HADHB: variants seen among roughly 807,000 people sequenced by gnomAD.
HADHB encodes hydroxyacyl-CoA dehydrogenase trifunctional multienzyme complex subunit beta.
Under a neutral mutation model 61.9 loss-of-function variants are expected in HADHB, and 50 were observed. The ratio of observed to expected loss-of-function variants is 0.81; its 90% CI spans 0.64 to 1.02. The LOEUF (loss-of-function observed/expected upper bound fraction) is 1.02, where lower values mean the gene tolerates loss of function less well. Ranked by LOEUF, HADHB falls within the 50% of genes least tolerant of loss-of-function variation. The pLI, the probability that HADHB is intolerant of heterozygous loss-of-function variation, is 0.00. For missense variants in HADHB, 504 were observed against 586.5 expected, an observed-to-expected ratio of 0.86 and a Z score of 1.45; for synonymous variants, 191 against 201.6, an observed-to-expected ratio of 0.95 and a Z score of 0.45.
intron 3 of HADHB, chr2:26,260,720 G>T (rs545193251): frequency 2.6e-6 from 1 of 387,488 alleles, no homozygotes; most frequent in Non-Finnish European, 4.7e-6. Context: ...GAGAAGGTTT[G>T]TGTGTACTAC....
At chr2:26,267,486 C>T (rs556434940) in intron 4 of HADHB, among the ~76,000 whole-genome samples, 5 of 152,136 alleles carry the variant, frequency 3.3e-5, no homozygotes, top group Admixed American at 1.3e-4. Context: ...CAAATGCCTA[C>T]GAGTCTAATC....
In HADHB at chr2:26,282,940, A is replaced by G. The variant is rs1363651182; in HGVS notation, c.1013+16A>G. ...CATATTTGAGGTAAAGTAAATGTTCAAACAAATCATCTCTGATTTCTTTAT... is the reference window on the plus strand; with the variant it reads ...CATATTTGAGGTAAAGTAAATGTTCGAACAAATCATCTCTGATTTCTTTAT... On this transcript the variant is annotated intron_variant, in intron 11 of 15. Transcript: ENST00000317799. 1 of 1,607,226 alleles carries G rather than the reference A, an allele frequency of 6.2e-7. No homozygotes were observed. The highest frequency in any genetic ancestry group is 1.1e-5 in the South Asian group (1 of 90,938).
At position 26,281,036 on chromosome 2, in the gene HADHB, C is replaced by G. The variant is rs539786782; in HGVS notation, c.933+921C>G. ...CAGAAAGAGTAACAGGATACCTCTT[C>G]CAGCCCTGATTGTTAGAAAACTGCT... is the stretch of plus-strand genomic sequence containing the variant. On this transcript the variant is annotated intron_variant, in intron 10 of 15. Transcript: ENST00000317799. Among the ~76,000 whole-genome samples the G allele has an allele frequency of 3.9e-5, 6 of 152,086 alleles. No homozygotes were observed. In the South Asian group the frequency reaches 1.2e-3, roughly 32 times the overall value.
At chr2:26,255,988 C>G (rs1454863197) in intron 3 of HADHB, among the ~76,000 whole-genome samples, 1 of 152,208 alleles carries the variant, frequency 6.6e-6, no homozygotes, top group Non-Finnish European at 1.5e-5. Context: ...TTCTGAATAC[C>G]AGCAGAGGAA....
In HADHB at chr2:26,253,338, A is replaced by G. The variant is rs561308551; in HGVS notation, c.-8-909A>G. Reference sequence around the variant, plus strand: ...AGTACTACAAACTTTTTTTAGTAGCAGTTGAGATTAAGTTGCTGACATGAT... The same window carrying G: ...AGTACTACAAACTTTTTTTAGTAGCGGTTGAGATTAAGTTGCTGACATGAT... On this transcript the variant is annotated intron_variant, in intron 1 of 15. Coordinates refer to ENST00000317799, the MANE Select transcript of HADHB (RefSeq NM_000183.3). Among the ~76,000 whole-genome samples, 30 of 152,332 alleles carry G rather than the reference A, an allele frequency of 2.0e-4. 1 individual carries two copies. The South Asian group carries it at 5.8e-3, about 29-fold the overall frequency.
chr2:26,272,865 C>G (rs1012123612), intron 5 of HADHB, among the ~76,000 whole-genome samples: 6 of 151,976 alleles, frequency 3.9e-5, no homozygotes, highest in Admixed American at 3.9e-4. Context: ...TGGTGGATCA[C>G]TTGCAGTCAG....
At chr2:26,258,124 A>C (rs1054229763) in intron 3 of HADHB, among the ~76,000 whole-genome samples, 7 of 152,184 alleles carry the variant, frequency 4.6e-5, no homozygotes, top group Admixed American at 4.6e-4. Context: ...TAGGTCCCTT[A>C]ACTGAGCCTC....
At chr2:26,246,051 A>G (rs1671142462) in intron 1 of HADHB, among the ~76,000 whole-genome samples, 1 of 152,220 alleles carries the variant, frequency 6.6e-6, no homozygotes. Flanking sequence ...CTCAAGTTGC[A>G]TAGTGAGTGC....
At chr2:26,249,590 G>A (rs552807300) in intron 1 of HADHB, among the ~76,000 whole-genome samples, 1 of 152,024 alleles carries the variant, frequency 6.6e-6, no homozygotes, top group South Asian at 2.1e-4. Flanking sequence ...GTTTCAGATG[G>A]GATTCGGCCA....
At chr2:26,276,811 T>C (rs760475723) in intron 6 of HADHB, among the ~76,000 whole-genome samples, 1 of 152,180 alleles carries the variant, frequency 6.6e-6, no homozygotes, top group Non-Finnish European at 1.5e-5. Context: ...GATAAGAAAT[T>C]AGGTGAGTTA....
chr2:26,255,317 T>G (rs549450654), intron 3 of HADHB, among the ~76,000 whole-genome samples: 1 of 152,148 alleles, frequency 6.6e-6, no homozygotes, highest in East Asian at 1.9e-4. Flanking sequence ...TTGGTCAACA[T>G]GGCGAAACCC....
intron 4 of HADHB, among the ~76,000 whole-genome samples, chr2:26,267,119 A>C (rs114634725): frequency 0.015 from 2,324 of 152,236 alleles, 59 homozygotes; most frequent in African/African-American, 0.051. Flanking sequence ...CTTCTTATTT[A>C]ATCCAATGAT....
intron 5 of HADHB, 61 bp from the exon 6 acceptor site, chr2:26,273,590 A>G: frequency 1.1e-6 from 1 of 896,130 alleles, no homozygotes; most frequent in Admixed American, 1.7e-5. Flanking sequence ...GTTTTGTGTG[A>G]TGATCTCTGG....
rs1201534189 is a variant in HADHB, at chr2:26,277,154, A to G, written c.436A>G (p.Thr146Ala). The G allele has an allele frequency of 6.6e-7, 1 of 1,512,878 alleles. No homozygotes were observed. The highest frequency in any genetic ancestry group is 9.2e-7 in the Non-Finnish European group (1 of 1,087,666). 93.7% of individuals were successfully genotyped at this position (1,512,878 alleles called of 1,614,324 possible). ...TTGTATCTCTGCCAACCAAGCCATG[A>G]CCACAGGTATGTTTAAATGGAAACA... ...MACISANQAM[T>A]TGVGLIASGQ... is the part of the protein sequence containing the mutation. The change falls in exon 7 of 16, where the codon ACC becomes GCC. Residue 146 changes from threonine (T) to alanine (A), a missense_variant. Coordinates refer to ENST00000317799, the MANE Select transcript of HADHB (RefSeq NM_000183.3).
Position 26,258,412 on chromosome 2 carries a change from C to T in HADHB, c.109+3938C>T, listed in dbSNP as rs192405710. 7.0e-4 allele frequency among the ~76,000 whole-genome samples: 106 copies of T among 152,294 alleles called. No individual in the cohort carries two copies. The Middle Eastern group carries it at 0.01, about 15-fold the overall frequency. ...CATGGAAGAGAATCGTGGAACCCAG[C>T]GACTAGCGTTGAGCTCGATTAGGAC... On this transcript the variant is annotated intron_variant, in intron 3 of 15. Transcript: ENST00000317799.
At chr2:26,272,821 C>T (rs1208035846) in intron 5 of HADHB, among the ~76,000 whole-genome samples, 2 of 152,174 alleles carry the variant, frequency 1.3e-5, no homozygotes, top group East Asian at 1.9e-4. Context: ...TAGTGGCTTA[C>T]ACCTATAATC....
chr2:26,279,995 AAAAGATACAGTTACC>A lies in HADHB; in HGVS notation c.821_835del (p.Thr274_Asp278del). The A allele has an allele frequency of 6.2e-7, 1 of 1,607,256 alleles. No individual in the cohort carries two copies. The highest frequency in any genetic ancestry group is 1.1e-5 in the South Asian group (1 of 90,846). On this transcript the variant is annotated inframe_deletion and splice_region_variant, in exon 10 of 16. Transcript: ENST00000317799. ...TAAAAAAATTCATTTTTTTAATAGG[AAAAGATACAGTTACC>A]AAAGATAATGGCATCCGTCCTTCCT... is the stretch of plus-strand genomic sequence containing the variant.
chr2:26,248,588 A>G (rs1008507113), intron 1 of HADHB, among the ~76,000 whole-genome samples: 9 of 152,188 alleles, frequency 5.9e-5, no homozygotes, highest in Admixed American at 1.3e-4. Flanking sequence ...CTGATCTATA[A>G]CTACAAAATT....
At chr2:26,253,835 A>G (rs1248432404) in intron 1 of HADHB, among the ~76,000 whole-genome samples, 3 of 150,698 alleles carry the variant, frequency 2.0e-5, no homozygotes, top group Admixed American at 1.3e-4. Flanking sequence ...CCTGGGCAAC[A>G]AGAGCAAAAC....
Sources: gnomAD v4.1 joint callset for allele counts (sites outside exome capture counted in the v4.1 genomes callset) on GRCh38, gnomAD v4.1.1 for gene constraint, MANE v1.5 for transcripts, NCBI Gene and HGNC (gene_info 2026-07-23, HGNC 2026-07-21) for gene names.